CNTNAP2: variants seen among roughly 807,000 people sequenced by gnomAD.
CNTNAP2 encodes the protein contactin associated protein 2, also known as contactin-associated protein-like 2.
A neutral mutation model predicts 155.2 loss-of-function variants in CNTNAP2; 98 were observed. The ratio of observed to expected loss-of-function variants is 0.63; its 90% confidence interval spans 0.54 to 0.75. The LOEUF (loss-of-function observed/expected upper bound fraction) is 0.75. Among genes scored for constraint, CNTNAP2 ranks in the 30% least tolerant of loss-of-function variants. The pLI is 0.00. For missense variants in CNTNAP2, 1,727 were observed against 1,688.1 expected (o/e 1.02, Z -0.40); for synonymous variants, 651 against 631.2 (o/e 1.03, Z -0.47).
At chr7:146,968,756 A>C (rs548486166) in intron 3 of CNTNAP2, among the ~76,000 whole-genome samples, 12 of 151,832 alleles carry the variant, frequency 7.9e-5, no homozygotes, top group South Asian at 6.2e-4. Flanking sequence ...CCTTTCAAAA[A>C]ACCAGTTCCT....
chr7:147,009,420 C>G (rs7796367), intron 3 of CNTNAP2, among the ~76,000 whole-genome samples: 1 of 151,830 alleles, frequency 6.6e-6, no homozygotes, highest in Non-Finnish European at 1.5e-5. Flanking sequence ...GTTTGACAAC[C>G]GACAGTTTTC....
At chr7:148,117,499 G>T (rs1054212393) in intron 15 of CNTNAP2, among the ~76,000 whole-genome samples, 1 of 152,202 alleles carries the variant, frequency 6.6e-6, no homozygotes, top group Non-Finnish European at 1.5e-5. Flanking sequence ...CTGGGTGGCC[G>T]TTGACACAGG....
intron 22 of CNTNAP2, among the ~76,000 whole-genome samples, chr7:148,402,540 GT>G (rs1799611808): frequency 6.6e-6 from 1 of 152,118 alleles, no homozygotes; most frequent in Admixed American, 6.6e-5. Flanking sequence ...TTTCATATCT[GT>G]TTCAGAAATA....
intron 8 of CNTNAP2, among the ~76,000 whole-genome samples, chr7:147,193,869 G>A (rs1440828086): frequency 6.6e-6 from 1 of 152,024 alleles, no homozygotes; most frequent in South Asian, 2.1e-4. Context: ...GACAAAATGA[G>A]AGTTAGAAAT....
At position 147,576,549 on chromosome 7, in the gene CNTNAP2, T is replaced by C. The variant is rs185275054; in HGVS notation, c.1897+14292T>C. On this transcript the variant is annotated intron_variant, in intron 12 of 23. Coordinates refer to ENST00000361727, the MANE Select transcript of CNTNAP2 (RefSeq NM_014141.6). ...ATCAGGTAACTAGAGTCCTCTAATT[T>C]AATGACTGAAAAAGATCTATTTAAG... is the stretch of plus-strand genomic sequence containing the variant. Among the ~76,000 whole-genome samples, 26 of 152,140 alleles carry C rather than the reference T, an allele frequency of 1.7e-4. No individual in the cohort carries two copies. In the East Asian group the frequency reaches 4.8e-3, roughly 28 times the overall value.
intron 21 of CNTNAP2, among the ~76,000 whole-genome samples, chr7:148,330,442 C>A (rs1376901198): frequency 7.8e-3 from 927 of 118,362 alleles, no homozygotes; most frequent in African/African-American, 0.029. Flanking sequence ...ATGGAGCAGA[C>A]GGGTGGAGCA....
chr7:147,476,882 C>T (rs1470567584), intron 10 of CNTNAP2, among the ~76,000 whole-genome samples: 1 of 148,266 alleles, frequency 6.7e-6, no homozygotes, highest in Non-Finnish European at 1.5e-5. Context: ...GAGCTGAGAT[C>T]ATCCCACTGC....
intron 13 of CNTNAP2, among the ~76,000 whole-genome samples, chr7:147,761,940 A>T (rs755087202): frequency 1.3e-5 from 2 of 152,160 alleles, no homozygotes; most frequent in Non-Finnish European, 2.9e-5. Context: ...AAATACATGC[A>T]TGTTAATGCA....
intron 1 of CNTNAP2, among the ~76,000 whole-genome samples, chr7:146,670,866 T>C (rs1272651510): frequency 6.6e-6 from 1 of 152,176 alleles, no homozygotes; most frequent in Admixed American, 6.5e-5. Flanking sequence ...GACTACACTT[T>C]TCTATTCCTA....
chr7:147,062,167 A>T, intron 4 of CNTNAP2, among the ~76,000 whole-genome samples: 1 of 139,266 alleles, frequency 7.2e-6, no homozygotes, highest in South Asian at 2.4e-4. Context: ...AAAAAAAAAA[A>T]AAACCAGTTC....
At chr7:147,094,167 G>C (rs1368507909) in intron 4 of CNTNAP2, among the ~76,000 whole-genome samples, 1 of 151,810 alleles carries the variant, frequency 6.6e-6, no homozygotes, top group Non-Finnish European at 1.5e-5. Flanking sequence ...CAGAGCAACA[G>C]ATCTCTTCCT....
At chr7:147,441,140 A>T (rs551758156) in intron 10 of CNTNAP2, among the ~76,000 whole-genome samples, 79 of 152,026 alleles carry the variant, frequency 5.2e-4, no homozygotes, top group African/African-American at 1.9e-3. Flanking sequence ...TTCTATATGC[A>T]TGCTTTATTC....
chr7:146,938,915 A>G (rs1796985929), intron 3 of CNTNAP2, among the ~76,000 whole-genome samples: 1 of 152,130 alleles, frequency 6.6e-6, no homozygotes, highest in Admixed American at 6.6e-5. Context: ...TTGAGTGATT[A>G]TTGAAAGTGA....
chr7:146,498,898 C>T (rs1438234235), intron 1 of CNTNAP2, among the ~76,000 whole-genome samples: 1 of 152,182 alleles, frequency 6.6e-6, no homozygotes, highest in Non-Finnish European at 1.5e-5. Context: ...ATGTGTTAAT[C>T]TAGCCAAACA....
chr7:147,326,899 T>C (rs903190650), intron 9 of CNTNAP2, among the ~76,000 whole-genome samples: 1 of 152,236 alleles, frequency 6.6e-6, no homozygotes, highest in African/African-American at 2.4e-5. Flanking sequence ...AGTATGTCTG[T>C]CTTATTTACC....
At chr7:147,331,247 G>A (rs1795560685) in intron 9 of CNTNAP2, among the ~76,000 whole-genome samples, 1 of 152,120 alleles carries the variant, frequency 6.6e-6, no homozygotes, top group Non-Finnish European at 1.5e-5. Flanking sequence ...AGAAGGGCCT[G>A]AAGAATTCAG....
At chr7:147,825,500 G>A (rs1431846217) in intron 13 of CNTNAP2, among the ~76,000 whole-genome samples, 1 of 152,154 alleles carries the variant, frequency 6.6e-6, no homozygotes, top group East Asian at 1.9e-4. Flanking sequence ...AGTGTACTTT[G>A]AGAGGAGAAA....
intron 8 of CNTNAP2, chr7:147,167,315 A>T (rs867511057): frequency 4.2e-6 from 2 of 473,028 alleles, no homozygotes; most frequent in South Asian, 1.0e-4. Context: ...TCTTGACAAG[A>T]TGGTGCTATT....
rs187108164 is a variant in CNTNAP2 at position 148,080,777 on chromosome 7, T to C, written c.2384-37341T>C. Among the ~76,000 whole-genome samples, 29 of 152,064 alleles carry C rather than the reference T, an allele frequency of 1.9e-4. No homozygotes were observed. In the East Asian group the frequency reaches 5.4e-3, roughly 28 times the overall value. The stretch of plus-strand genomic sequence containing the variant: ...TTACTGGTATCAGTGATCAAAATTA[T>C]AGAGCAGGGGGGGAAATGTGAGGAA... On this transcript the variant is annotated intron_variant, in intron 15 of 23. Coordinates refer to ENST00000361727, the MANE Select transcript of CNTNAP2 (RefSeq NM_014141.6).
Sources: allele counts gnomAD v4.1 joint callset (sites outside exome capture counted in the v4.1 genomes callset), GRCh38; gene constraint gnomAD v4.1.1; transcripts MANE v1.5; gene names NCBI Gene and HGNC (gene_info 2026-07-23, HGNC 2026-07-21).